The following ROBO2 variants were observed in gnomAD, a reference collection of about 807,000 sequenced individuals.
The protein encoded by ROBO2 is roundabout guidance receptor 2.
In ROBO2, 53 loss-of-function variants were observed where a neutral mutation model predicts 160.8. The ratio of observed to expected loss-of-function variants is 0.33; its 90% confidence interval spans 0.26 to 0.41. The LOEUF is 0.41. Among genes scored for constraint, ROBO2 ranks in the 10% least tolerant of loss-of-function variants. ROBO2 has a pLI of 1.00. For synonymous variants in ROBO2, 664 were observed against 611.7 expected (o/e 1.09, Z -1.26); for missense variants, 1,577 against 1,722.4 (o/e 0.92, Z 1.49).
chr3:76,740,101 A>G (rs1388031606), intron 2 of ROBO2, among the ~76,000 whole-genome samples: 1 of 152,228 alleles, frequency 6.6e-6, no homozygotes, highest in African/African-American at 2.4e-5. Flanking sequence ...TTATCGTTAA[A>G]TCAATATAGC....
At chr3:77,027,738 C>A (rs1430008326) in intron 2 of ROBO2, among the ~76,000 whole-genome samples, 1 of 152,080 alleles carries the variant, frequency 6.6e-6, no homozygotes, top group African/African-American at 2.4e-5. Context: ...AGCCAAGCAC[C>A]TGTACTGCTC....
At chr3:75,957,513 G>GT (rs553676233) in intron 2 of ROBO2, among the ~76,000 whole-genome samples, 2,161 of 142,190 alleles carry the variant, frequency 0.015, 31 homozygotes, top group African/African-American at 0.047. Flanking sequence ...TTAATAGAAG[G>GT]TTTTTTTTTT....
chr3:76,734,727 G>T (rs2093683497), intron 2 of ROBO2, among the ~76,000 whole-genome samples: 1 of 152,112 alleles, frequency 6.6e-6, no homozygotes, highest in South Asian at 2.1e-4. Flanking sequence ...CCATTAACTA[G>T]GGACTAGCAT....
At chr3:76,487,040 G>A (rs997967915) in intron 2 of ROBO2, among the ~76,000 whole-genome samples, 3 of 152,152 alleles carry the variant, frequency 2.0e-5, no homozygotes, top group African/African-American at 7.2e-5. Context: ...CACAGTCATA[G>A]CTCATGACAG....
At chr3:77,261,300 A>G (rs2058756754) in intron 2 of ROBO2, among the ~76,000 whole-genome samples, 1 of 152,180 alleles carries the variant, frequency 6.6e-6, no homozygotes, top group Non-Finnish European at 1.5e-5. Context: ...CAGGTTCTGC[A>G]GACACTTAAG....
intron 2 of ROBO2, among the ~76,000 whole-genome samples, chr3:76,875,298 C>A (rs934473417): frequency 6.6e-6 from 1 of 152,180 alleles, no homozygotes; most frequent in African/African-American, 2.4e-5. Context: ...GTGAGAAATA[C>A]GTTTCTGTTC....
chr3:77,184,512 A>C (rs540460659), intron 2 of ROBO2, among the ~76,000 whole-genome samples: 1 of 152,114 alleles, frequency 6.6e-6, no homozygotes, highest in Admixed American at 6.6e-5. Context: ...GTTTATGGGA[A>C]CCAAATAATG....
At chr3:75,960,131 CACTG>C (rs1370788463) in intron 2 of ROBO2, among the ~76,000 whole-genome samples, 1 of 151,608 alleles carries the variant, frequency 6.6e-6, no homozygotes, top group Non-Finnish European at 1.5e-5. Context: ...AAATTGGGGT[CACTG>C]ACTGGTTTGG....
At chr3:77,509,669 T>C (rs1561033767) in intron 5 of ROBO2, among the ~76,000 whole-genome samples, 1 of 152,048 alleles carries the variant, frequency 6.6e-6, no homozygotes, top group Non-Finnish European at 1.5e-5. Flanking sequence ...ATGTCCCCAG[T>C]GTCTCCATTG....
intron 1 of ROBO2, chr3:77,091,998 A>AATAC (rs2070348942): frequency 2.7e-5 from 4 of 149,610 alleles, no homozygotes; most frequent in African/African-American, 9.8e-5. Flanking sequence ...TAAATAAATA[A>AATAC]ATAAATAAAT....
chr3:77,559,690 C>T (rs1380965144), intron 9 of ROBO2, among the ~76,000 whole-genome samples: 1 of 151,994 alleles, frequency 6.6e-6, no homozygotes, highest in Non-Finnish European at 1.5e-5. Context: ...AATATGTTTA[C>T]AATTATATGT....
chr3:76,409,622 C>T (rs2075385121), intron 2 of ROBO2, among the ~76,000 whole-genome samples: 1 of 152,056 alleles, frequency 6.6e-6, no homozygotes, highest in African/African-American at 2.4e-5. Context: ...GGTGCAGTAA[C>T]TTGAAGCATG....
intron 2 of ROBO2, among the ~76,000 whole-genome samples, chr3:76,276,204 G>A (rs151292708): frequency 0.082 from 12,489 of 151,966 alleles, 835 homozygotes; most frequent in African/African-American, 0.17. Context: ...TATTCCCAAC[G>A]TGGACTTTCC....
At chr3:77,617,206 C>A (rs62251150) in intron 21 of ROBO2, among the ~76,000 whole-genome samples, 1 of 144,290 alleles carries the variant, frequency 6.9e-6, no homozygotes, top group Non-Finnish European at 1.5e-5. Context: ...CTTTAATTAG[C>A]AATTTGGTTT....
Position 76,381,729 on chromosome 3 carries a change from G to A in ROBO2, c.109+444127G>A, listed in dbSNP as rs139256770. ...ATTCTAATCATCCTACAAATATTAAGTCATTTCATTTCACAACAATAAGGC... is the reference window on the plus strand; with the variant it reads ...ATTCTAATCATCCTACAAATATTAAATCATTTCATTTCACAACAATAAGGC... On this transcript the variant is annotated intron_variant, in intron 2 of 26. Transcript: ENST00000487694. Among the ~76,000 whole-genome samples the A allele has an allele frequency of 5.1e-3, 782 of 152,276 alleles. 21 individuals carry two copies. The highest frequency in any genetic ancestry group is 0.039 in the Admixed American group (598 of 15,296).
intron 1 of ROBO2, among the ~76,000 whole-genome samples, chr3:77,089,145 T>C (rs2069769953): frequency 1.3e-5 from 2 of 152,190 alleles, no homozygotes; most frequent in Non-Finnish European, 1.5e-5. Flanking sequence ...AATCTAGTGC[T>C]TGGGATTTTC....
intron 1 of ROBO2, among the ~76,000 whole-genome samples, chr3:75,929,705 T>TC: frequency 6.6e-6 from 1 of 152,226 alleles, no homozygotes; most frequent in East Asian, 1.9e-4. Flanking sequence ...TCTTGTCTTT[T>TC]TTTTTTTGAG....
intron 2 of ROBO2, among the ~76,000 whole-genome samples, chr3:76,833,999 T>G (rs960632750): frequency 7.9e-5 from 3 of 37,882 alleles, no homozygotes; most frequent in Admixed American, 2.8e-4. Context: ...CTTTCTTTCC[T>G]TCTTTCTTTC....
In ROBO2 at chr3:76,122,530, T is replaced by C. The variant is rs2070792494; in HGVS notation, c.109+184928T>C. On this transcript the variant is annotated intron_variant, in intron 2 of 26. Transcript: ENST00000487694. Reference sequence around the variant, plus strand: ...TTTGAATTTTTGGCATTTATTGATTTTTTTCTTTGTGACCTAAAATATGAC... The same window carrying C: ...TTTGAATTTTTGGCATTTATTGATTCTTTTCTTTGTGACCTAAAATATGAC... 6.6e-5 allele frequency among the ~76,000 whole-genome samples: 10 copies of C among 152,140 alleles called. No homozygotes were observed. The South Asian group carries it at 2.1e-3, about 32-fold the overall frequency.
Sources: allele counts gnomAD v4.1 joint callset (sites outside exome capture counted in the v4.1 genomes callset), GRCh38; gene constraint gnomAD v4.1.1; transcripts MANE v1.5; gene names NCBI Gene and HGNC (gene_info 2026-07-23, HGNC 2026-07-21).